The following SLC44A5 variants were observed in gnomAD, a reference collection of about 807,000 sequenced individuals.
The protein encoded by SLC44A5 is choline transporter-like protein 5.
Under a neutral mutation model 101.8 loss-of-function variants are expected in SLC44A5, and 57 were observed. The observed-to-expected ratio is 0.56, with a 90% confidence interval of 0.45 to 0.70. The LOEUF is 0.70. Among genes scored for constraint, SLC44A5 ranks in the 30% least tolerant of loss-of-function variants. The probability of loss-of-function intolerance (pLI) is 0.00; values close to 1 mark genes in which losing one functional copy is unlikely to be tolerated. For synonymous variants in SLC44A5, 281 were observed against 290.9 expected (o/e 0.97, Z 0.35); for missense variants, 737 against 853.1 (o/e 0.86, Z 1.70).
intron 5 of SLC44A5, among the ~76,000 whole-genome samples, chr1:75,276,110 G>T (rs1651896477): frequency 6.6e-6 from 1 of 152,034 alleles, no homozygotes; most frequent in Admixed American, 6.6e-5. Context: ...TGTCTTTTTA[G>T]TATCTAGCAC....
At chr1:75,446,459 G>C (rs1055239640) in intron 2 of SLC44A5, among the ~76,000 whole-genome samples, 1 of 151,894 alleles carries the variant, frequency 6.6e-6, no homozygotes, top group African/African-American at 2.4e-5. Flanking sequence ...TCACCTCTTC[G>C]AGCTTACATT....
upstream of SLC44A5, among the ~76,000 whole-genome samples, chr1:75,615,332 T>C (rs1675822524): frequency 1.3e-5 from 2 of 151,654 alleles, no homozygotes; most frequent in South Asian, 4.2e-4. Context: ...ATGCAGAACT[T>C]GTCACCCTAG....
At chr1:75,270,347 G>A (rs966733588) in intron 6 of SLC44A5, among the ~76,000 whole-genome samples, 1 of 152,002 alleles carries the variant, frequency 6.6e-6, no homozygotes, top group Non-Finnish European at 1.5e-5. Flanking sequence ...ACTTAAAAAT[G>A]TACATTAGAG....
the SLC44A5 span, chr1:75,642,093 A>G: frequency 3.4e-6 from 4 of 1,193,588 alleles, no homozygotes; most frequent in Non-Finnish European, 4.8e-6. Flanking sequence ...CTAATTTTTT[A>G]TTTTATTTGA....
At chr1:75,422,046 A>G (rs955928842) in intron 2 of SLC44A5, among the ~76,000 whole-genome samples, 3 of 152,114 alleles carry the variant, frequency 2.0e-5, no homozygotes, top group African/African-American at 7.2e-5. Context: ...TACTGAACTC[A>G]AGAAATACTT....
intron 3 of SLC44A5, among the ~76,000 whole-genome samples, chr1:75,362,225 T>C (rs1024373907): frequency 1.3e-5 from 2 of 152,040 alleles, no homozygotes; most frequent in East Asian, 3.9e-4. Flanking sequence ...TTTGTTGACT[T>C]GTTTTTTTAA....
the SLC44A5 span, among the ~76,000 whole-genome samples, chr1:75,647,589 C>T: frequency 1.2e-4 from 19 of 152,304 alleles, no homozygotes; most frequent in South Asian, 3.7e-3. Flanking sequence ...AAGAAGGGGG[C>T]TGTACCATGC....
chr1:75,586,950 A>G (rs1674039710), intron 1 of SLC44A5, among the ~76,000 whole-genome samples: 1 of 152,072 alleles, frequency 6.6e-6, no homozygotes, highest in South Asian at 2.1e-4. Flanking sequence ...GAAACTCTAG[A>G]CGTAGATAGA....
chr1:75,263,745 G>T (rs1295885315), intron 6 of SLC44A5, among the ~76,000 whole-genome samples: 1 of 152,154 alleles, frequency 6.6e-6, no homozygotes, highest in African/African-American at 2.4e-5. Context: ...GCCCATCAGT[G>T]ATAGACTGGA....
intron 16 of SLC44A5, 35 bp from the exon 17 acceptor site, chr1:75,218,787 T>C: frequency 6.3e-7 from 1 of 1,575,594 alleles, no homozygotes. Flanking sequence ...GGACATAATA[T>C]TAAATATCAC....
chr1:75,281,024 C>A (rs1652502085), intron 5 of SLC44A5, among the ~76,000 whole-genome samples: 2 of 152,034 alleles, frequency 1.3e-5, no homozygotes, highest in Non-Finnish European at 1.5e-5. Context: ...GTGTAGTAGG[C>A]AGAGGTTGGA....
Position 75,274,944 on chromosome 1 carries a change from G to A in SLC44A5, c.260+14C>T, listed in dbSNP as rs766277137. The A allele has an allele frequency of 1.2e-6, 2 of 1,603,802 alleles. No individual in the cohort carries two copies. Among genetic ancestry groups the A allele is most frequent in the Non-Finnish European group, 1.7e-6 (2 of 1,172,408 alleles). On this transcript the variant is annotated intron_variant, in intron 6 of 23. Coordinates refer to ENST00000370859, the MANE Select transcript of SLC44A5 (RefSeq NM_001130058.2). Reference sequence around the variant, plus strand: ...GACAGTAAAATCACACAAAGCAAAGGTGGCCATACTCACTCATTGGGAGTG... The same window carrying A: ...GACAGTAAAATCACACAAAGCAAAGATGGCCATACTCACTCATTGGGAGTG...
At chr1:75,295,290 G>A (rs1653880815) in intron 5 of SLC44A5, among the ~76,000 whole-genome samples, 1 of 152,116 alleles carries the variant, frequency 6.6e-6, no homozygotes, top group African/African-American at 2.4e-5. Flanking sequence ...AAGTCATCTT[G>A]GAATTATCTT....
the SLC44A5 span, among the ~76,000 whole-genome samples, chr1:75,704,351 T>C: frequency 2.6e-5 from 4 of 151,966 alleles, no homozygotes; most frequent in African/African-American, 4.8e-5. Flanking sequence ...CGGCAGAACA[T>C]GATGGCTCAT....
chr1:75,682,336 A>G, the SLC44A5 span, among the ~76,000 whole-genome samples: 36 of 152,146 alleles, frequency 2.4e-4, no homozygotes, highest in Admixed American at 1.0e-3. Context: ...GAGGCATCAC[A>G]CTACCTGACT....
In SLC44A5 at chr1:75,228,560, T is replaced by C. The variant is rs1189087294; in HGVS notation, c.854-703A>G. ...TTTAACATATTTATACTTTATATAC[T>C]GATATATTTATATTTGTTTCTATGT... On this transcript the variant is annotated intron_variant, in intron 12 of 23. Transcript: ENST00000370859. Among the ~76,000 whole-genome samples the C allele has an allele frequency of 2.6e-5, 4 of 152,114 alleles. No individual in the cohort carries two copies. The East Asian group carries it at 7.7e-4, about 29-fold the overall frequency.
intron 6 of SLC44A5, among the ~76,000 whole-genome samples, chr1:75,259,322 G>A (rs1381282223): frequency 6.6e-6 from 1 of 152,138 alleles, no homozygotes; most frequent in Non-Finnish European, 1.5e-5. Context: ...AACCAGTATA[G>A]AGAAGAACAT....
chr1:75,646,509 T>C, the SLC44A5 span, among the ~76,000 whole-genome samples: 4 of 152,154 alleles, frequency 2.6e-5, no homozygotes, highest in Non-Finnish European at 5.9e-5. Context: ...ACAGTTGATA[T>C]GGCCTGGCTC....
At chr1:75,385,153 A>G (rs996584810) in intron 3 of SLC44A5, among the ~76,000 whole-genome samples, 2 of 150,338 alleles carry the variant, frequency 1.3e-5, no homozygotes, top group African/African-American at 4.9e-5. Context: ...AAGAACTAGA[A>G]AAGCAAGAGC....
Sources: allele counts gnomAD v4.1 joint callset (sites outside exome capture counted in the v4.1 genomes callset), GRCh38; gene constraint gnomAD v4.1.1; transcripts MANE v1.5; gene names NCBI Gene and HGNC (gene_info 2026-07-23, HGNC 2026-07-21).